Variants in CFAP54 observed in about 807,000 individuals in gnomAD.
CFAP54 encodes cilia- and flagella-associated protein 54.
A neutral mutation model predicts 370.4 loss-of-function variants in CFAP54; 290 were observed. That is an observed-to-expected ratio of 0.78 (90% CI 0.71 to 0.86). The LOEUF (loss-of-function observed/expected upper bound fraction) is 0.86. Among genes scored for constraint, CFAP54 ranks in the 40% least tolerant of loss-of-function variants. CFAP54 has a pLI of 0.00. For synonymous variants in CFAP54, 1,206 were observed against 1,236.5 expected (o/e 0.98, Z 0.52); for missense variants, 3,399 against 3,528.7 (o/e 0.96, Z 0.93).
chr12:96,812,416 T>C (rs968364530), intron 64 of CFAP54, among the ~76,000 whole-genome samples: 1 of 152,154 alleles, frequency 6.6e-6, no homozygotes, highest in Non-Finnish European at 1.5e-5. Context: ...TCATGCCTCG[T>C]TTCTCTCTTC....
rs370781081 is a variant in CFAP54, at chr12:96,840,013, A to G, written c.9171+10925A>G. Among the ~76,000 whole-genome samples the G allele has an allele frequency of 3.3e-5, 5 of 152,338 alleles. No homozygotes were observed. In the South Asian group the frequency reaches 1.0e-3, roughly 32 times the overall value. The stretch of plus-strand genomic sequence containing the variant: ...CATAATGACTCTTCCTCAGTAGTGC[A>G]GAATCCACTCTGATTCAAGGTTGGA... On this transcript the variant is annotated intron_variant, in intron 66 of 67. Transcript: ENST00000524981.
chr12:96,609,600 T>G (rs1380550836), intron 26 of CFAP54, among the ~76,000 whole-genome samples: 1 of 152,154 alleles, frequency 6.6e-6, no homozygotes, highest in Non-Finnish European at 1.5e-5. Flanking sequence ...TAGATAAGGA[T>G]AGAAAATAAT....
rs1390305258 is a variant in CFAP54 at position 96,740,010 on chromosome 12, A to G, written c.7020A>G (p.Glu2340=). The G allele has an allele frequency of 1.2e-6, 2 of 1,607,996 alleles. No individual in the cohort carries two copies. Among genetic ancestry groups the G allele is most frequent in the East Asian group, 2.2e-5 (1 of 44,778 alleles). The change falls in exon 51 of 68, where the codon GAA becomes GAG. Residue 2340 remains glutamate (E), a synonymous_variant. Transcript: ENST00000524981. ...TTCTCCAGGATTCAAAACTTTTTGAAAAGAAGGTAGTACAGGATGACACAG... is the reference window on the plus strand; with the variant it reads ...TTCTCCAGGATTCAAAACTTTTTGAGAAGAAGGTAGTACAGGATGACACAG... ...LTLLQDSKLF[E]KKVVQDDTEN... is the part of the protein sequence containing the mutation.
intron 40 of CFAP54, among the ~76,000 whole-genome samples, chr12:96,684,082 T>C (rs1957299451): frequency 6.6e-6 from 1 of 152,164 alleles, no homozygotes; most frequent in Non-Finnish European, 1.5e-5. Context: ...ATGAGCTACC[T>C]TGCCTGTCCA....
chr12:96,751,125 T>A (rs1449447820), intron 55 of CFAP54, among the ~76,000 whole-genome samples: 1 of 152,236 alleles, frequency 6.6e-6, no homozygotes, highest in Admixed American at 6.5e-5. Context: ...AATTAATGAC[T>A]GAACCTTGAG....
At chr12:96,843,442 A>AT (rs1353629848) in intron 66 of CFAP54, among the ~76,000 whole-genome samples, 1 of 152,166 alleles carries the variant, frequency 6.6e-6, no homozygotes, top group African/African-American at 2.4e-5. Context: ...CTGTAATGGA[A>AT]TTTCCCCCTT....
chr12:96,589,742 CTT>C (rs1565905555), intron 23 of CFAP54, among the ~76,000 whole-genome samples, 179 bp downstream of exon 23: 2 of 151,454 alleles, frequency 1.3e-5, no homozygotes, highest in African/African-American at 4.9e-5. Flanking sequence ...TAGAAACTTT[CTT>C]TCTTTCTTTC....
chr12:96,836,356 A>G (rs1394998174), intron 66 of CFAP54, among the ~76,000 whole-genome samples: 1 of 152,198 alleles, frequency 6.6e-6, no homozygotes, highest in Non-Finnish European at 1.5e-5. Flanking sequence ...TAAAAGTCAT[A>G]AATTGGTTGG....
chr12:96,739,184 T>A (rs1958020445), intron 50 of CFAP54, among the ~76,000 whole-genome samples: 1 of 152,092 alleles, frequency 6.6e-6, no homozygotes, highest in South Asian at 2.1e-4. Flanking sequence ...TTTTTTAATG[T>A]GTGTGTGATG....
chr12:96,700,114 A>C, intron 46 of CFAP54, 21 bp downstream of exon 46: 1 of 1,595,902 alleles, frequency 6.3e-7, no homozygotes, highest in African/African-American at 1.4e-5. Flanking sequence ...AATTTGATTC[A>C]AAGCAATTTC....
intron 34 of CFAP54, 64 bp downstream of exon 34, chr12:96,648,081 G>A: frequency 1.6e-6 from 2 of 1,253,798 alleles, no homozygotes; most frequent in Middle Eastern, 2.3e-4. Context: ...AAACAACACA[G>A]CACACATACA....
At chr12:96,714,980 G>A (rs1390627252) in intron 48 of CFAP54, among the ~76,000 whole-genome samples, 1 of 152,138 alleles carries the variant, frequency 6.6e-6, no homozygotes, top group Non-Finnish European at 1.5e-5. Context: ...CACCTATAAT[G>A]ACAAGTTGAA....
At chr12:96,677,252 C>T (rs763027670) in intron 39 of CFAP54, among the ~76,000 whole-genome samples, 2 of 151,788 alleles carry the variant, frequency 1.3e-5, no homozygotes, top group Non-Finnish European at 2.9e-5. Flanking sequence ...TTCAAGGGAT[C>T]CTCCCTGCCT....
At chr12:96,788,000 T>G (rs574500793) in intron 62 of CFAP54, among the ~76,000 whole-genome samples, 8 of 151,560 alleles carry the variant, frequency 5.3e-5, no homozygotes, top group African/African-American at 1.9e-4. Context: ...CACTGCCGCC[T>G]CTGCCTCCTG....
chr12:96,684,795 A>T, intron 41 of CFAP54, 60 bp downstream of exon 41: 2 of 1,377,828 alleles, frequency 1.5e-6, no homozygotes, highest in Non-Finnish European at 2.0e-6. Context: ...TGTTTGAAGA[A>T]GTTTTTAATG....
At chr12:96,568,544 C>T (rs1955883970) in intron 19 of CFAP54, among the ~76,000 whole-genome samples, 1 of 152,162 alleles carries the variant, frequency 6.6e-6, no homozygotes, top group African/African-American at 2.4e-5. Flanking sequence ...CAAATAATTG[C>T]CAAACTTTCT....
rs574627472 is a variant in CFAP54, at chr12:96,788,674, TA to T, written c.8679+1781del. ...AGATTAAATTATACATTTTTTTTTT[TA>T]AAAATCACTCTTTTGAACATTCCTT... is the stretch of plus-strand genomic sequence containing the variant. On this transcript the variant is annotated intron_variant, in intron 62 of 67. Transcript: ENST00000524981. 6.6e-5 allele frequency among the ~76,000 whole-genome samples: 10 copies of T among 151,856 alleles called. No individual in the cohort carries two copies. The East Asian group carries it at 1.4e-3, about 21-fold the overall frequency.
intron 66 of CFAP54, among the ~76,000 whole-genome samples, chr12:96,847,307 C>T (rs976815665): frequency 2.0e-5 from 3 of 152,004 alleles, no homozygotes; most frequent in African/African-American, 7.3e-5. Flanking sequence ...GGTGAGCTGC[C>T]CTCCCTCCCA....
At position 96,506,990 on chromosome 12, in the gene CFAP54, C is replaced by T. The variant is rs1302888044; in HGVS notation, c.630C>T (p.Asn210=). Residue 210 remains asparagine (N), a synonymous_variant, in exon 4 of 68, where the codon AAC becomes AAT. Coordinates refer to ENST00000524981, the MANE Select transcript of CFAP54 (RefSeq NM_001306084.2). ...NYQLVCDSDE[N]LKNKESVVQC... ...AGCTGGTCTGCGACAGTGATGAAAA[C>T]CTGAAGAATAAAGAATCTGTGGTCC... 2 of 1,535,772 alleles carry T rather than the reference C, an allele frequency of 1.3e-6. No individual in the cohort carries two copies. The highest frequency in any genetic ancestry group is 1.7e-6 in the Non-Finnish European group (2 of 1,146,816).
Sources: allele counts gnomAD v4.1 joint callset (sites outside exome capture counted in the v4.1 genomes callset), GRCh38; gene constraint gnomAD v4.1.1; transcripts MANE v1.5; gene names NCBI Gene and HGNC (gene_info 2026-07-23, HGNC 2026-07-21).